Variants in STK11IP observed in about 807,000 individuals in gnomAD.
STK11IP encodes serine/threonine-protein kinase 11-interacting protein.
Under a neutral mutation model 131.7 loss-of-function variants are expected in STK11IP, and 103 were observed. That is an observed-to-expected ratio of 0.78 (90% CI 0.67 to 0.92). STK11IP has a LOEUF of 0.92. Ranked by LOEUF, STK11IP falls within the 40% of genes least tolerant of loss-of-function variation. STK11IP has a pLI of 0.00. For synonymous variants in STK11IP, 557 were observed against 575.6 expected (o/e 0.97, Z 0.46); for missense variants, 1,315 against 1,385.7 (o/e 0.95, Z 0.81).
chr2:219,607,576 C>T (rs550413624), intron 13 of STK11IP, among the ~76,000 whole-genome samples: 2 of 152,004 alleles, frequency 1.3e-5, no homozygotes, highest in South Asian at 2.1e-4. Context: ...GGAGGATCGC[C>T]AGAGCCTGAT....
intron 23 of STK11IP, 62 bp downstream of exon 23, chr2:219,614,608 G>A: frequency 6.5e-7 from 1 of 1,535,926 alleles, no homozygotes; most frequent in Non-Finnish European, 9.0e-7. Flanking sequence ...CACAGGCACT[G>A]GCCCACGCGC....
In STK11IP at chr2:219,608,534, T is replaced by C. The variant is rs766910338; in HGVS notation, c.1604-49T>C. 4 of 1,545,270 alleles carry C rather than the reference T, an allele frequency of 2.6e-6. No homozygotes were observed. The South Asian group carries it at 3.7e-5, about 14-fold the overall frequency. ...AGGGCCAGTTCGGGGGAGGGCAGAG[T>C]GTGGGTACTTTCCCTCCCTGCAGGC... On this transcript the variant is annotated intron_variant, in intron 14 of 24. Coordinates refer to ENST00000456909, the MANE Select transcript of STK11IP (RefSeq NM_052902.4).
intron 17 of STK11IP, chr2:219,609,808 AC>A (rs1347156415): frequency 2.6e-6 from 1 of 389,196 alleles, no homozygotes; most frequent in East Asian, 5.2e-5. Flanking sequence ...GCTTAAACAT[AC>A]TCATTATTTT....
chr2:219,606,266 C>T lies in STK11IP; in HGVS notation c.921C>T (p.Pro307=). ...CAGCCACTGCCCAGTACTTGTCACC[C>T]CGGGCCAGGGATGCTGCTACTGGCG... is the stretch of plus-strand genomic sequence containing the variant. ...HRAATAQYLS[P]RARDAATGFL... is the part of the protein sequence containing the mutation. The change falls in exon 10 of 25, where the codon CCC becomes CCT. Residue 307 remains proline (P), a synonymous_variant. Transcript: ENST00000456909. The T allele has an allele frequency of 6.4e-7, 1 of 1,570,492 alleles. No homozygotes were observed.
rs910851115 is a variant in STK11IP, at chr2:219,613,814, T to C, written c.2600T>C (p.Ile867Thr). 1.7e-5 allele frequency: 28 copies of C among 1,612,194 alleles called. No homozygotes were observed. Among genetic ancestry groups the C allele is most frequent in the Non-Finnish European group, 2.3e-5 (27 of 1,179,660 alleles). The change falls in exon 21 of 25, where the codon ATA becomes ACA. Residue 867 changes from isoleucine to threonine, a missense_variant. Coordinates refer to ENST00000456909, the MANE Select transcript of STK11IP (RefSeq NM_052902.4). ...GTTCCCCTGCAGGATCTGAGTGGCATAGAGCTGGGCCTGGCAGGCCAGAGC... is the reference window on the plus strand; with the variant it reads ...GTTCCCCTGCAGGATCTGAGTGGCACAGAGCTGGGCCTGGCAGGCCAGAGC... ...LAVPLQDLSG[I>T]ELGLAGQSLR...
chr2:219,608,015 C>T, intron 13 of STK11IP, 32 bp from the exon 14 acceptor site: 2 of 1,593,668 alleles, frequency 1.3e-6, no homozygotes, highest in Non-Finnish European at 1.7e-6. Flanking sequence ...GTGGGGCAGG[C>T]TTGCTCAGTT....
rs757502914 is a variant in STK11IP at position 219,608,246 on chromosome 2, G to A, written c.1419G>A (p.Gln473=). Residue 473 remains glutamine, a synonymous_variant, in exon 14 of 25, where the codon CAG becomes CAA. Coordinates refer to ENST00000456909, the MANE Select transcript of STK11IP (RefSeq NM_052902.4). ...CTGCACCCAGACCTTCACCCCCGCA[G>A]GAGGAAGCCAGAGGCCCCCAGGAGT... ...PDTAPRPSPP[Q]EEARGPQESP... 2.5e-6 allele frequency: 4 copies of A among 1,613,592 alleles called. No homozygotes were observed. In the Admixed American group the frequency reaches 5.0e-5, roughly 20 times the overall value.
chr2:219,606,458 C>A lies in STK11IP; in HGVS notation c.946-18C>A, dbSNP rs775799585. The A allele has an allele frequency of 1.2e-6, 2 of 1,609,094 alleles. No homozygotes were observed. Among genetic ancestry groups the A allele is most frequent in the Admixed American group, 1.7e-5 (1 of 59,344 alleles). The stretch of plus-strand genomic sequence containing the variant: ...TGGGCCTACCACATACTCCCTCCCC[C>A]TTTTTGTCTTTGCTCAGTTCCTTCT... On this transcript the variant is annotated intron_variant, in intron 10 of 24. Transcript: ENST00000456909.
intron 15 of STK11IP, 132 bp from the exon 16 acceptor site, chr2:219,608,965 T>C: frequency 9.6e-7 from 1 of 1,038,214 alleles, no homozygotes; most frequent in Non-Finnish European, 1.4e-6. Context: ...GATTCTGTGC[T>C]GGAGCTTGGA....
rs995638962 is a variant in STK11IP at position 219,598,074 on chromosome 2, C to T, written c.-26-20C>T. The T allele has an allele frequency of 3.8e-6, 6 of 1,576,560 alleles. No homozygotes were observed. The Admixed American group carries it at 5.4e-5, about 14-fold the overall frequency. Reference sequence around the variant, plus strand: ...CTACCGCCCACCTGAGGCTCTTCCGCTTCCTCTTTCCCCCCCCAGGCTCCG... The same window carrying T: ...CTACCGCCCACCTGAGGCTCTTCCGTTTCCTCTTTCCCCCCCCAGGCTCCG... On this transcript the variant is annotated intron_variant, in intron 1 of 24. Coordinates refer to ENST00000456909, the MANE Select transcript of STK11IP (RefSeq NM_052902.4).
At chr2:219,601,205 C>A in intron 2 of STK11IP, 30 bp from the exon 3 acceptor site, 1 of 1,576,272 alleles carries the variant, frequency 6.3e-7, no homozygotes, top group Non-Finnish European at 8.7e-7. Flanking sequence ...TTCACTGTGT[C>A]TTCCCTCCTG....
At chr2:219,602,113 C>A (rs1279898982) in intron 5 of STK11IP, 30 bp downstream of exon 5, 2 of 1,504,098 alleles carry the variant, frequency 1.3e-6, no homozygotes, top group South Asian at 2.4e-5. Context: ...AGCTCAGACA[C>A]CTCAACTTGA....
chr2:219,614,182 C>G lies in STK11IP; in HGVS notation c.2738C>G (p.Pro913Arg). Residue 913 changes from proline (P) to arginine (R), a missense_variant, in exon 22 of 25, where the codon CCT (proline) becomes CGT (arginine). Physicochemically the swap from Pro to Arg is moderately radical, Grantham distance 103. Transcript: ENST00000456909. The part of the protein sequence containing the change: ...ELLDVLQSLP[P>R]AWRNCVSATE... ...CTAGATGTCTTGCAGTCTCTGCCCCCTGCCTGGAGGAACTGTGTCAGTGCC... is the reference window on the plus strand; with the variant it reads ...CTAGATGTCTTGCAGTCTCTGCCCCGTGCCTGGAGGAACTGTGTCAGTGCC... 1 of 1,613,514 alleles carries G rather than the reference C, an allele frequency of 6.2e-7. No individual in the cohort carries two copies. The highest frequency in any genetic ancestry group is 8.5e-7 in the Non-Finnish European group (1 of 1,179,742).
At chr2:219,599,530 A>C (rs141233418) in intron 2 of STK11IP, among the ~76,000 whole-genome samples, 7 of 152,340 alleles carry the variant, frequency 4.6e-5, no homozygotes, top group Admixed American at 1.3e-4. Flanking sequence ...TGTCTAGTAC[A>C]TACAGAATCC....
At chr2:219,602,379 A>G in intron 5 of STK11IP, 89 bp from the exon 6 acceptor site, 1 of 1,018,004 alleles carries the variant, frequency 9.8e-7, no homozygotes. Context: ...GTGTATAAAA[A>G]ATGAATGAGT....
chr2:219,606,688 C>T (rs1490077975), intron 11 of STK11IP, 24 bp from the exon 12 acceptor site: 2 of 1,599,586 alleles, frequency 1.3e-6, no homozygotes, highest in East Asian at 2.2e-5. Context: ...CAACCTCTCT[C>T]TCCTTCCTGT....
intron 4 of STK11IP, 66 bp downstream of exon 4, chr2:219,601,781 A>C: frequency 6.5e-7 from 1 of 1,531,738 alleles, no homozygotes; most frequent in Non-Finnish European, 8.9e-7. Context: ...GGGGATGGGA[A>C]AGAGAAGAGC....
In STK11IP at chr2:219,608,807, G is replaced by A; in HGVS notation, c.1809+19G>A. 6.4e-7 allele frequency: 1 copy of A among 1,571,386 alleles called. No individual in the cohort carries two copies. The highest frequency in any genetic ancestry group is 8.6e-7 in the Non-Finnish European group (1 of 1,159,890). On this transcript the variant is annotated intron_variant, in intron 15 of 24. Transcript: ENST00000456909. Reference sequence around the variant, plus strand: ...GCCCACGGTGAGTGGGGCGTGGCAGGGTCTCTGGAGGAGCCAGTTATGGGA... The same window carrying A: ...GCCCACGGTGAGTGGGGCGTGGCAGAGTCTCTGGAGGAGCCAGTTATGGGA...
chr2:219,603,338 G>A (rs1037642729), intron 7 of STK11IP, among the ~76,000 whole-genome samples: 1 of 151,912 alleles, frequency 6.6e-6, no homozygotes, highest in African/African-American at 2.4e-5. Flanking sequence ...CACCACGCCC[G>A]GCTGAATACC....
Sources: allele counts gnomAD v4.1 joint callset (sites outside exome capture counted in the v4.1 genomes callset), GRCh38; gene constraint gnomAD v4.1.1; transcripts MANE v1.5; gene names NCBI Gene and HGNC (gene_info 2026-07-23, HGNC 2026-07-21).